Variants in PLA2G6 observed in about 807,000 individuals in gnomAD.
The protein encoded by PLA2G6 is 85/88 kDa calcium-independent phospholipase A2.
PLA2G6 carries 62 observed loss-of-function variants against 83.8 expected under a neutral mutation model. That is an observed-to-expected ratio of 0.74 (90% confidence interval 0.60 to 0.91). The LOEUF is 0.91. Ranked by LOEUF, PLA2G6 falls within the 40% of genes least tolerant of loss-of-function variation. The probability of loss-of-function intolerance (pLI) is 0.00; values close to 1 mark genes in which losing one functional copy is unlikely to be tolerated. For missense variants in PLA2G6, 944 were observed against 1,102.0 expected, an observed-to-expected ratio of 0.86 and a Z score of 2.03; for synonymous variants, 417 against 449.8, an observed-to-expected ratio of 0.93 and a Z score of 0.92.
rs199935023 is a variant in PLA2G6 at position 38,132,917 on chromosome 22, C to A, written c.991G>T (p.Asp331Tyr). The change falls in exon 7 of 17, where the codon GAC becomes TAC. Residue 331 changes from aspartate to tyrosine, a missense_variant. By Grantham distance (160) the Asp-to-Tyr change is radical. Coordinates refer to ENST00000332509, the MANE Select transcript of PLA2G6 (RefSeq NM_003560.4). This position sits in a 1 kb window ranked among gnomAD's most constrained non-coding sequence, Gnocchi z 5.0. ...TGGGTCAGCAGCACTATGGCACAGT[C>A]GAAGCGGTTGCGCATCACCGCCACG... is the stretch of plus-strand genomic sequence containing the variant. ...LHVAVMRNRF[D>Y]CAIVLLTHGA... 23 of 1,557,154 alleles carry A rather than the reference C, an allele frequency of 1.5e-5. No individual in the cohort carries two copies. In the East Asian group the frequency reaches 4.6e-4, roughly 31 times the overall value.
chr22:38,115,899 T>C (rs2087162032), intron 13 of PLA2G6, 176 bp downstream of exon 13: 1 of 1,470,720 alleles, frequency 6.8e-7, no homozygotes. Flanking sequence ...TTTTCTAACC[T>C]GCCAGGGGCC....
chr22:38,123,372 G>A lies in PLA2G6; in HGVS notation c.1428-114C>T, dbSNP rs932163718. 7.2e-6 allele frequency: 8 copies of A among 1,112,238 alleles called. No individual in the cohort carries two copies. The African/African-American group carries it at 7.7e-5, about 11-fold the overall frequency. The allele number at this position is 1,112,238 out of a possible 1,614,324, so 68.9% of individuals were successfully genotyped here. ...TGTGTCCTGGCAGACAGACCCAGAC[G>A]GACCCGAGGAACTTCTGTCCTATGC... On this transcript the variant is annotated intron_variant, in intron 10 of 16. Coordinates refer to ENST00000332509, the MANE Select transcript of PLA2G6 (RefSeq NM_003560.4). The surrounding 1 kb of genome is among the most constrained non-coding windows in gnomAD (Gnocchi z 4.1).
At chr22:38,118,559 C>G (rs139922350) in intron 12 of PLA2G6, among the ~76,000 whole-genome samples, 1 of 152,116 alleles carries the variant, frequency 6.6e-6, no homozygotes, top group Non-Finnish European at 1.5e-5. Flanking sequence ...TCTGAATGAT[C>G]TTTTCATATT....
chr22:38,116,802 G>T (rs1316661593), intron 12 of PLA2G6, among the ~76,000 whole-genome samples: 1 of 120,154 alleles, frequency 8.3e-6, no homozygotes, highest in Non-Finnish European at 1.6e-5. Context: ...AGTGAGCCGA[G>T]ATCACGTCAT....
At chr22:38,117,659 C>T (rs575469562) in intron 12 of PLA2G6, among the ~76,000 whole-genome samples, 58 of 152,204 alleles carry the variant, frequency 3.8e-4, no homozygotes, top group African/African-American at 1.4e-3. Flanking sequence ...AGAAGCAAAA[C>T]GTGTATCCAA....
At chr22:38,174,172 G>A (rs192938468) in intron 1 of PLA2G6, among the ~76,000 whole-genome samples, 210 of 152,218 alleles carry the variant, frequency 1.4e-3, no homozygotes, top group Non-Finnish European at 1.3e-3. Context: ...TAAGGCGGGC[G>A]GATCACGAAA....
chr22:38,128,088 AC>A lies in PLA2G6; in HGVS notation c.1348+180del, dbSNP rs2087978308. The stretch of plus-strand genomic sequence containing the variant: ...GGAGCATGGGACATCAGCCAGGGAC[AC>A]CCTAGGCCTCTGGGATCTGTGGGTT... On this transcript the variant is annotated intron_variant, in intron 9 of 16. Coordinates refer to ENST00000332509, the MANE Select transcript of PLA2G6 (RefSeq NM_003560.4). This position sits in a 1 kb window ranked among gnomAD's most constrained non-coding sequence, Gnocchi z 4.4. The A allele has an allele frequency of 4.8e-6, 3 of 625,212 alleles. No individual in the cohort carries two copies. Among genetic ancestry groups the A allele is most frequent in the Non-Finnish European group, 8.5e-6 (3 of 352,964 alleles). The allele number at this position is 625,212 out of a possible 1,614,324, so 38.7% of individuals were successfully genotyped here.
Position 38,123,051 on chromosome 22 carries a change from A to G in PLA2G6, c.1591+44T>C. 1.3e-6 allele frequency: 2 copies of G among 1,528,522 alleles called. No homozygotes were observed. The highest frequency in any genetic ancestry group is 1.8e-6 in the Non-Finnish European group (2 of 1,133,128). The allele number at this position is 1,528,522 out of a possible 1,614,324, so 94.7% of individuals were successfully genotyped here. A position where few individuals can be genotyped will look rare whatever the true frequency, so the allele number is the denominator to read the frequency against. ...GACAAACTCGGCCCCTTGAGGACAC[A>G]GGTCTCAGCCCCGCCTGGCCCCATC... On this transcript the variant is annotated intron_variant, in intron 11 of 16. Transcript: ENST00000332509. This position sits in a 1 kb window ranked among gnomAD's most constrained non-coding sequence, Gnocchi z 4.1.
chr22:38,113,560 CG>C lies in PLA2G6; in HGVS notation c.2128del (p.Arg710ValfsTer51), dbSNP rs775637512. The C allele has an allele frequency of 3.1e-6, 5 of 1,613,942 alleles. No individual in the cohort carries two copies. In the South Asian group the frequency reaches 5.5e-5, roughly 18 times the overall value. On this transcript the variant is annotated frameshift_variant, in exon 15 of 17. Coordinates refer to ENST00000332509, the MANE Select transcript of PLA2G6 (RefSeq NM_003560.4). LOFTEE classifies it high-confidence loss of function. ...GGCCAGCTCCCAGGGGTTGCTGGGA[CG>C]GAAGACATCCACACAGGTCACAGGC... is the stretch of plus-strand genomic sequence containing the variant. ...QVPVTCVDVF[R>X]PSNPWELAKT...
chr22:38,120,635 C>T (rs983214802), intron 12 of PLA2G6, 124 bp downstream of exon 12: 3 of 1,213,490 alleles, frequency 2.5e-6, no homozygotes, highest in Non-Finnish European at 2.4e-6. Flanking sequence ...AGGGGGTTCC[C>T]TCTGCTCCCC....
At chr22:38,145,835 C>CACACACACACACA (rs2089230063) in intron 2 of PLA2G6, 182 bp from the exon 3 acceptor site, 1 of 421,020 alleles carries the variant, frequency 2.4e-6, no homozygotes, top group East Asian at 4.8e-5. Flanking sequence ...ACACACACAC[C>CACACACACACACA]CCTATACACA....
chr22:38,158,163 T>C (rs572922571), intron 2 of PLA2G6, among the ~76,000 whole-genome samples: 1 of 150,742 alleles, frequency 6.6e-6, no homozygotes, highest in South Asian at 2.1e-4. Context: ...TATTTTCTTT[T>C]TCTTTTCTTT....
chr22:38,181,342 G>C (rs1602313148), intron 1 of PLA2G6, among the ~76,000 whole-genome samples: 1 of 152,300 alleles, frequency 6.6e-6, no homozygotes, highest in East Asian at 1.9e-4. Flanking sequence ...AGGTGGAGAC[G>C]GACGTGAAGT....
In PLA2G6 at chr22:38,116,145, A is replaced by G; in HGVS notation, c.1809T>C (p.Asp603=). Residue 603 remains aspartate (D), a synonymous_variant, in exon 13 of 17, where the codon GAT becomes GAC. Coordinates refer to ENST00000332509, the MANE Select transcript of PLA2G6 (RefSeq NM_003560.4). The part of the protein sequence containing the change: ...PAELHLFRNY[D]APETVREPRF... ...GAGGCTCCCGGACAGTTTCTGGAGC[A>G]TCGTAGTTCCGGAAGAGGTGGAGTT... 3 of 1,613,592 alleles carry G rather than the reference A, an allele frequency of 1.9e-6. No individual in the cohort carries two copies. Among genetic ancestry groups the G allele is most frequent in the Admixed American group, 1.7e-5 (1 of 60,024 alleles).
At chr22:38,158,483 T>C (rs2089882581) in intron 2 of PLA2G6, among the ~76,000 whole-genome samples, 1 of 152,250 alleles carries the variant, frequency 6.6e-6, no homozygotes, top group South Asian at 2.1e-4. Context: ...GTCAAGATAT[T>C]TTCTAAATTT....
Position 38,113,535 on chromosome 22 carries a change from G to A in PLA2G6, c.2154C>T (p.Ala718=). The A allele has an allele frequency of 6.2e-7, 1 of 1,614,066 alleles. No homozygotes were observed. Among genetic ancestry groups the A allele is most frequent in the South Asian group, 1.1e-5 (1 of 91,082 alleles). ...VFRPSNPWEL[A]KTVFGAKELG... is the part of the protein sequence containing the mutation. ...GTTCCTTGGCCCCAAAAACAGTCTT[G>A]GCCAGCTCCCAGGGGTTGCTGGGAC... Residue 718 remains alanine (A), a synonymous_variant, in exon 15 of 17, where the codon GCC becomes GCT. Coordinates refer to ENST00000332509, the MANE Select transcript of PLA2G6 (RefSeq NM_003560.4).
Position 38,128,310 on chromosome 22 carries a change from AG to A in PLA2G6, c.1306del (p.Leu436TrpfsTer11). The A allele has an allele frequency of 6.2e-7, 1 of 1,613,036 alleles. No homozygotes were observed. The highest frequency in any genetic ancestry group is 8.5e-7 in the Non-Finnish European group (1 of 1,179,972). On this transcript the variant is annotated frameshift_variant, in exon 9 of 17. Transcript: ENST00000332509. LOFTEE classifies it high-confidence loss of function. This position sits in a 1 kb window ranked among gnomAD's most constrained non-coding sequence, Gnocchi z 4.4. The part of the protein sequence containing the change: ...GSAAPHHPFS[L>X]ERAQPPPISL... ...GATCGGTGGGGGCTGAGCTCTTTCCAGGGAGAAGGGATGATGTGGCGCTGCA... is the reference window on the plus strand; with the variant it reads ...GATCGGTGGGGGCTGAGCTCTTTCCAGGAGAAGGGATGATGTGGCGCTGCA...
intron 12 of PLA2G6, among the ~76,000 whole-genome samples, chr22:38,118,032 T>C (rs935469279): frequency 1.7e-5 from 2 of 117,792 alleles, no homozygotes; most frequent in Non-Finnish European, 3.6e-5. Flanking sequence ...CAAGACTCCA[T>C]CTCAAAAAAA....
At chr22:38,177,318 T>C (rs2090673924) in intron 1 of PLA2G6, among the ~76,000 whole-genome samples, 1 of 152,102 alleles carries the variant, frequency 6.6e-6, no homozygotes, top group Non-Finnish European at 1.5e-5. Context: ...ATGTTCCCTC[T>C]GACCCCAGCT....
Sources: gnomAD v4.1 joint callset for allele counts (sites outside exome capture counted in the v4.1 genomes callset) on GRCh38, gnomAD v4.1.1 for gene constraint, Gnocchi (gnomAD v3.1) non-coding constraint, MANE v1.5 for transcripts, NCBI Gene and HGNC (gene_info 2026-07-23, HGNC 2026-07-21) for gene names.